The following NRG3 variants were observed in gnomAD, a reference collection of about 807,000 sequenced individuals.
The protein encoded by NRG3 is pro-neuregulin-3, membrane-bound isoform.
A neutral mutation model predicts 66.9 loss-of-function variants in NRG3; 31 were observed. That is an observed-to-expected ratio of 0.46 (90% CI 0.35 to 0.63). NRG3 has a LOEUF of 0.63. NRG3 is among the 20% of genes least tolerant of loss of function. The pLI is 0.00. For missense variants in NRG3, 910 were observed against 878.9 expected (o/e 1.04, Z -0.45); for synonymous variants, 393 against 359.4 (o/e 1.09, Z -1.06).
intron 1 of NRG3, among the ~76,000 whole-genome samples, chr10:82,206,841 A>G (rs1161980566): frequency 6.6e-6 from 1 of 152,180 alleles, no homozygotes; most frequent in Non-Finnish European, 1.5e-5. Context: ...AATTAATTGC[A>G]TAGCACATTT....
intron 2 of NRG3, among the ~76,000 whole-genome samples, chr10:82,677,756 A>C (rs2053821322): frequency 6.6e-6 from 1 of 152,142 alleles, no homozygotes; most frequent in Non-Finnish European, 1.5e-5. Context: ...AAGTTTATTA[A>C]AAAGTTTTAG....
intron 1 of NRG3, among the ~76,000 whole-genome samples, chr10:82,082,828 T>G (rs1374996860): frequency 6.6e-6 from 1 of 152,214 alleles, no homozygotes; most frequent in East Asian, 1.9e-4. Context: ...TATTCTGTTC[T>G]TTTGTGCATT....
chr10:82,609,855 C>T (rs2048200428), intron 2 of NRG3, among the ~76,000 whole-genome samples: 1 of 152,160 alleles, frequency 6.6e-6, no homozygotes, highest in Non-Finnish European at 1.5e-5. Context: ...ATTTATATCA[C>T]AACAAATTAC....
chr10:82,416,977 C>G (rs1306384047), intron 2 of NRG3, among the ~76,000 whole-genome samples: 1 of 152,078 alleles, frequency 6.6e-6, no homozygotes, highest in Non-Finnish European at 1.5e-5. Context: ...GTGCCCAACA[C>G]TGTGGTTATC....
At chr10:82,753,929 GA>G (rs927759849) in intron 3 of NRG3, among the ~76,000 whole-genome samples, 1 of 147,184 alleles carries the variant, frequency 6.8e-6, no homozygotes, top group Non-Finnish European at 1.5e-5. Context: ...CCTGGCAAAA[GA>G]GTGAGACTCC....
chr10:82,126,869 A>G (rs182774348), intron 1 of NRG3, among the ~76,000 whole-genome samples: 2 of 152,180 alleles, frequency 1.3e-5, no homozygotes, highest in Non-Finnish European at 1.5e-5. Context: ...GCTGGTTCAT[A>G]AGAGCCCAGG....
chr10:82,152,088 T>C (rs981131855), intron 1 of NRG3, among the ~76,000 whole-genome samples: 1 of 152,204 alleles, frequency 6.6e-6, no homozygotes, highest in Admixed American at 6.5e-5. Flanking sequence ...TTTTAGGCTT[T>C]GTGAGTCAAA....
chr10:82,635,506 G>T (rs1000741783), intron 2 of NRG3, among the ~76,000 whole-genome samples: 6 of 152,000 alleles, frequency 3.9e-5, no homozygotes, highest in African/African-American at 1.4e-4. Context: ...CTGTTGGGCT[G>T]GGGGAGGATT....
intron 1 of NRG3, among the ~76,000 whole-genome samples, chr10:82,017,707 T>G (rs1356045855): frequency 6.6e-6 from 1 of 152,274 alleles, no homozygotes; most frequent in African/African-American, 2.4e-5. Flanking sequence ...GAGCATCTTT[T>G]CATGTGTCTG....
rs376182364 is a variant in NRG3, at chr10:82,073,192, A to G, written c.823+197029A>G. ...TTGAAAAATGATAGAACAATGTGTA[A>G]TGTGTACAAGTGACAACAAAATAAA... On this transcript the variant is annotated intron_variant, in intron 1 of 8. Coordinates refer to ENST00000372141, the MANE Select transcript of NRG3 (RefSeq NM_001010848.4). 2.0e-4 allele frequency among the ~76,000 whole-genome samples: 31 copies of G among 152,274 alleles called. No homozygotes were observed. In the East Asian group the frequency reaches 3.1e-3, roughly 15 times the overall value.
In NRG3 at chr10:82,682,539, G is replaced by A. The variant is rs1591152890; in HGVS notation, c.954-56038G>A. Among the ~76,000 whole-genome samples, 5 of 152,140 alleles carry A rather than the reference G, an allele frequency of 3.3e-5. No homozygotes were observed. In the South Asian group the frequency reaches 8.3e-4, roughly 25 times the overall value. On this transcript the variant is annotated intron_variant, in intron 2 of 8. Transcript: ENST00000372141. ...TTAGTTAGGGTAAATAATAGTGCTT[G>A]CTCTAACAAGTTGAGTGACCTTGTA...
intron 2 of NRG3, among the ~76,000 whole-genome samples, chr10:82,510,996 A>G (rs1002643458): frequency 1.9e-4 from 29 of 152,370 alleles, no homozygotes; most frequent in Non-Finnish European, 2.8e-4. Context: ...AGTAGGAGCA[A>G]GTCTCCTGAC....
At chr10:82,692,492 G>A (rs2055016084) in intron 2 of NRG3, among the ~76,000 whole-genome samples, 1 of 152,186 alleles carries the variant, frequency 6.6e-6, no homozygotes. Flanking sequence ...CACATTGAAG[G>A]GTGAGAAGGA....
chr10:82,116,706 A>G (rs997738286), intron 1 of NRG3, among the ~76,000 whole-genome samples: 8 of 152,100 alleles, frequency 5.3e-5, no homozygotes, highest in African/African-American at 1.4e-4. Flanking sequence ...AACTCTTCCT[A>G]ATGGTCCATG....
At chr10:81,982,720 C>T (rs564430738) in intron 1 of NRG3, among the ~76,000 whole-genome samples, 3 of 152,224 alleles carry the variant, frequency 2.0e-5, no homozygotes, top group African/African-American at 7.2e-5. Flanking sequence ...CTTCTTCTTA[C>T]AAGAACACCG....
At chr10:82,309,171 C>G (rs1372000889) in intron 1 of NRG3, among the ~76,000 whole-genome samples, 1 of 152,160 alleles carries the variant, frequency 6.6e-6, no homozygotes, top group African/African-American at 2.4e-5. Context: ...AATAGAGAAG[C>G]TTTCGGGACT....
intron 1 of NRG3, among the ~76,000 whole-genome samples, chr10:82,310,364 A>G (rs563674094): frequency 6.6e-6 from 1 of 152,268 alleles, no homozygotes; most frequent in African/African-American, 2.4e-5. Context: ...GTTTGTGTCT[A>G]TTATCCTGCA....
At chr10:82,074,397 G>T in intron 1 of NRG3, among the ~76,000 whole-genome samples, 1 of 152,182 alleles carries the variant, frequency 6.6e-6, no homozygotes, top group East Asian at 1.9e-4. Context: ...AGAATGATCA[G>T]AACTCATTGG....
At chr10:82,262,691 T>C (rs577814649) in intron 1 of NRG3, among the ~76,000 whole-genome samples, 1 of 152,304 alleles carries the variant, frequency 6.6e-6, no homozygotes, top group South Asian at 2.1e-4. Flanking sequence ...GTGTCACAGG[T>C]CATAGGTGGG....
Sources: allele counts gnomAD v4.1 joint callset (sites outside exome capture counted in the v4.1 genomes callset), GRCh38; gene constraint gnomAD v4.1.1; transcripts MANE v1.5; gene names NCBI Gene and HGNC (gene_info 2026-07-23, HGNC 2026-07-21).